The following SEC31A variants were observed in gnomAD, a reference collection of about 807,000 sequenced individuals.
SEC31A encodes protein transport protein Sec31A.
In SEC31A, 70 loss-of-function variants were observed where a neutral mutation model predicts 151.0. The ratio of observed to expected loss-of-function variants is 0.46; its 90% CI spans 0.38 to 0.57. The LOEUF is 0.57. Among genes scored for constraint, SEC31A ranks in the 20% least tolerant of loss-of-function variants. The pLI is 0.00. For missense variants in SEC31A, 1,330 were observed against 1,471.2 expected, an observed-to-expected ratio of 0.90 and a Z score of 1.57; for synonymous variants, 475 against 505.9, an observed-to-expected ratio of 0.94 and a Z score of 0.82.
chr4:82,835,245 A>AT, intron 22 of SEC31A, among the ~76,000 whole-genome samples: 1 of 152,246 alleles, frequency 6.6e-6, no homozygotes, highest in South Asian at 2.1e-4. Context: ...AAGAACATGA[A>AT]TATCTACAGA....
Position 82,871,794 on chromosome 4 carries a change from T to C in SEC31A, c.782+150A>G, listed in dbSNP as rs1019870516. On this transcript the variant is annotated intron_variant, in intron 7 of 26. Transcript: ENST00000395310. Reference sequence around the variant, plus strand: ...GCAGAGGTTGCAGTGAGCCAAGATCTTGCCACTGCACTCCAGCCTAAGTGA... The same window carrying C: ...GCAGAGGTTGCAGTGAGCCAAGATCCTGCCACTGCACTCCAGCCTAAGTGA... 5.5e-6 allele frequency: 5 copies of C among 909,362 alleles called. 1 individual carries two copies. In the Admixed American group the frequency reaches 1.1e-4, roughly 20 times the overall value. 56.3% of individuals were successfully genotyped at this position (909,362 alleles called of 1,614,324 possible). A position where few individuals can be genotyped will look rare whatever the true frequency, so the allele number is the denominator to read the frequency against.
At chr4:82,870,959 G>T (rs1440492818) in intron 7 of SEC31A, among the ~76,000 whole-genome samples, 1 of 152,092 alleles carries the variant, frequency 6.6e-6, no homozygotes. Context: ...AAGGCAGGAG[G>T]ATTATTTGAG....
At chr4:82,868,138 T>C (rs1735808123) in intron 8 of SEC31A, among the ~76,000 whole-genome samples, 1 of 152,146 alleles carries the variant, frequency 6.6e-6, no homozygotes, top group African/African-American at 2.4e-5. Flanking sequence ...CACTGCAGAA[T>C]CCTAACAGAA....
chr4:82,870,114 A>G (rs570135075), intron 8 of SEC31A, among the ~76,000 whole-genome samples: 21 of 152,200 alleles, frequency 1.4e-4, no homozygotes, highest in Admixed American at 1.3e-3. Context: ...CTAGTTTAAA[A>G]TATACTATTT....
chr4:82,854,253 C>T (rs1732100882), intron 17 of SEC31A, among the ~76,000 whole-genome samples: 1 of 151,454 alleles, frequency 6.6e-6, no homozygotes. Flanking sequence ...ATCCCAGCTA[C>T]TTGGGAGGTT....
chr4:82,894,473 T>C (rs772108316), upstream of SEC31A: 1 of 152,254 alleles, frequency 6.6e-6, no homozygotes, highest in Non-Finnish European at 1.5e-5. Flanking sequence ...CCAGTCAAAA[T>C]TGTGTAAGGT....
At chr4:82,885,963 A>C (rs1740602638) in intron 1 of SEC31A, among the ~76,000 whole-genome samples, 1 of 152,166 alleles carries the variant, frequency 6.6e-6, no homozygotes, top group South Asian at 2.1e-4. Context: ...CAAATTGTTT[A>C]TATTTGAAGG....
At chr4:82,868,524 A>AAAAT (rs1553933687) in intron 8 of SEC31A, among the ~76,000 whole-genome samples, 1 of 112,422 alleles carries the variant, frequency 8.9e-6, no homozygotes, top group African/African-American at 2.5e-5. Context: ...AGTACTAAAA[A>AAAAT]AAATAAATAA....
chr4:82,849,025 A>G (rs370331407), intron 19 of SEC31A, 48 bp from the exon 20 acceptor site: 79 of 1,483,306 alleles, frequency 5.3e-5, no homozygotes, highest in Non-Finnish European at 6.9e-5. Context: ...TCACCCAGGT[A>G]TATGACAGCA....
At chr4:82,841,358 G>A (rs1300596398) in intron 22 of SEC31A, among the ~76,000 whole-genome samples, 3 of 149,804 alleles carry the variant, frequency 2.0e-5, no homozygotes, top group Non-Finnish European at 3.0e-5. Context: ...GGGAGACGGA[G>A]GTTGCAGTGA....
intron 26 of SEC31A, 42 bp downstream of exon 26, chr4:82,820,995 G>A: frequency 6.6e-7 from 1 of 1,526,576 alleles, no homozygotes; most frequent in East Asian, 2.3e-5. Flanking sequence ...CTAGCAACTA[G>A]GAATAAATGA....
Position 82,849,002 on chromosome 4 carries a change from G to C in SEC31A, c.2329-25C>G, listed in dbSNP as rs201709543. The C allele has an allele frequency of 1.3e-4, 212 of 1,604,202 alleles. 1 individual carries two copies. The African/African-American group carries it at 2.3e-3, about 17-fold the overall frequency. On this transcript the variant is annotated intron_variant, in intron 19 of 26. Coordinates refer to ENST00000395310, the MANE Select transcript of SEC31A (RefSeq NM_001077207.4). ...GCTAAAAAGGATTGGAAAAACAGCA[G>C]ACTGTTGAGAGTTCACCCAGGTATA...
chr4:82,875,596 T>A, intron 5 of SEC31A, 131 bp downstream of exon 5: 13 of 621,632 alleles, frequency 2.1e-5, no homozygotes, highest in Non-Finnish European at 3.4e-5. Context: ...TGAAGAAAAA[T>A]CAGTAATATC....
Position 82,853,688 on chromosome 4 carries a change from T to G in SEC31A, c.2036A>C (p.Glu679Ala), listed in dbSNP as rs141357650. ...CDLLGTRLEN[E>A]GDSLLQTQAC... Reference sequence around the variant, plus strand: ...TTGAGTCTGCAGGAGGCTATCTCCTTCATTTTCAAGCCTGGTTCCCAAAAG... The same window carrying G: ...TTGAGTCTGCAGGAGGCTATCTCCTGCATTTTCAAGCCTGGTTCCCAAAAG... Residue 679 changes from glutamate to alanine, a missense_variant, in exon 18 of 27, where the codon GAA becomes GCA. By Grantham distance (107) the Glu-to-Ala change is moderately radical. Coordinates refer to ENST00000395310, the MANE Select transcript of SEC31A (RefSeq NM_001077207.4). 6.2e-7 allele frequency: 1 copy of G among 1,600,792 alleles called. No individual in the cohort carries two copies. Among genetic ancestry groups the G allele is most frequent in the African/African-American group, 1.4e-5 (1 of 74,044 alleles).
intron 22 of SEC31A, among the ~76,000 whole-genome samples, chr4:82,840,477 C>T (rs1250601805): frequency 2.0e-5 from 3 of 152,130 alleles, no homozygotes; most frequent in Non-Finnish European, 4.4e-5. Context: ...TTACTGGAAT[C>T]TTATTTGTGT....
At chr4:82,847,812 G>A (rs1730570785) in intron 20 of SEC31A, among the ~76,000 whole-genome samples, 1 of 151,964 alleles carries the variant, frequency 6.6e-6, no homozygotes, top group Non-Finnish European at 1.5e-5. Flanking sequence ...TCATGGCAGG[G>A]TCTTAAAAAA....
intron 8 of SEC31A, among the ~76,000 whole-genome samples, chr4:82,869,663 T>G (rs1736224779): frequency 6.6e-6 from 1 of 152,180 alleles, no homozygotes; most frequent in South Asian, 2.1e-4. Context: ...ATTAATTTTT[T>G]TTCTCTTGTC....
At chr4:82,885,947 T>C (rs1740596348) in intron 1 of SEC31A, among the ~76,000 whole-genome samples, 1 of 152,160 alleles carries the variant, frequency 6.6e-6, no homozygotes, top group South Asian at 2.1e-4. Context: ...CCGAGTCTTG[T>C]ACCTGCAAAT....
chr4:82,895,721 C>G (rs943301061), upstream of SEC31A: 20 of 152,242 alleles, frequency 1.3e-4, no homozygotes, highest in African/African-American at 4.6e-4. Flanking sequence ...ACTTCTTGAT[C>G]AAATAAATAT....
Sources: allele counts gnomAD v4.1 joint callset (sites outside exome capture counted in the v4.1 genomes callset), GRCh38; gene constraint gnomAD v4.1.1; transcripts MANE v1.5; gene names NCBI Gene and HGNC (gene_info 2026-07-23, HGNC 2026-07-21).